SAMD12: variants seen among roughly 807,000 people sequenced by gnomAD.
SAMD12 encodes sterile alpha motif domain containing 12.
A neutral mutation model predicts 15.0 loss-of-function variants in SAMD12; 9 were observed. That is an observed-to-expected ratio of 0.60 (90% CI 0.36 to 1.05). SAMD12 has a LOEUF of 1.05. SAMD12 is among the 50% of genes least tolerant of loss of function. SAMD12 has a pLI of 0.01. For missense variants in SAMD12, 230 were observed against 234.2 expected, an observed-to-expected ratio of 0.98 and a Z score of 0.12; for synonymous variants, 86 against 90.1, an observed-to-expected ratio of 0.96 and a Z score of 0.25.
At chr8:118,538,391 CT>C (rs1248538399) in intron 2 of SAMD12, among the ~76,000 whole-genome samples, 1 of 152,178 alleles carries the variant, frequency 6.6e-6, no homozygotes, top group Admixed American at 6.5e-5. Context: ...CCCCAGAGCC[CT>C]TTAGCTTACA....
At chr8:118,366,812 C>CAAATAAA (rs1818792551) in intron 4 of SAMD12, among the ~76,000 whole-genome samples, 1 of 78,072 alleles carries the variant, frequency 1.3e-5, no homozygotes, top group Non-Finnish European at 2.4e-5. Context: ...AACTCTGTCT[C>CAAATAAA]AAATAAAATA....
chr8:118,164,806 T>A, the SAMD12 span, among the ~76,000 whole-genome samples: 1 of 151,896 alleles, frequency 6.6e-6, no homozygotes, highest in Admixed American at 6.6e-5. Context: ...CCGTTGTCTC[T>A]CTCTGTATAT....
At chr8:118,227,620 T>C (rs2129903200) in intron 4 of SAMD12, among the ~76,000 whole-genome samples, 1 of 152,318 alleles carries the variant, frequency 6.6e-6, no homozygotes, top group African/African-American at 2.4e-5. Flanking sequence ...GACAAGAATA[T>C]TGTTATGTGG....
Position 118,269,220 on chromosome 8 carries a change from CTGTGTGTGTGTG to C in SAMD12, c.434-71500_434-71489del, listed in dbSNP as rs71515963. ...TCTCTCTCTCTCTCTCTCTCTCTCT[CTGTGTGTGTGTG>C]TGTGTGTGTGTGTGTGTGTGTGTGT... is the stretch of plus-strand genomic sequence containing the variant. On this transcript the variant is annotated intron_variant, in intron 4 of 4. Transcript: ENST00000409003. 3.1e-3 allele frequency among the ~76,000 whole-genome samples: 378 copies of C among 123,010 alleles called. 2 individuals are homozygous for C. Among genetic ancestry groups the C allele is most frequent in the South Asian group, 8.6e-3 (28 of 3,256 alleles). The allele number at this position is 123,010 out of a possible 152,430, so 80.7% of individuals were successfully genotyped here.
chr8:118,387,082 C>T (rs1820003511), intron 3 of SAMD12, among the ~76,000 whole-genome samples: 1 of 152,184 alleles, frequency 6.6e-6, no homozygotes, highest in East Asian at 1.9e-4. Flanking sequence ...CCTGTTGCTC[C>T]ATCCCAGTCT....
At chr8:118,210,303 CA>C (rs1819983841) in intron 4 of SAMD12, among the ~76,000 whole-genome samples, 1 of 152,136 alleles carries the variant, frequency 6.6e-6, no homozygotes, top group South Asian at 2.1e-4. Context: ...AACTAGAGCA[CA>C]AAGAGGTTGG....
intron 2 of SAMD12, among the ~76,000 whole-genome samples, chr8:118,516,000 T>C (rs1406299421): frequency 6.6e-6 from 1 of 152,224 alleles, no homozygotes; most frequent in Non-Finnish European, 1.5e-5. Context: ...CCTGCTCTCC[T>C]AAAGGGTAAG....
chr8:118,304,846 C>T (rs770039646), intron 4 of SAMD12, among the ~76,000 whole-genome samples: 26 of 150,776 alleles, frequency 1.7e-4, no homozygotes, highest in Non-Finnish European at 3.5e-4. Context: ...CTATTTTAAC[C>T]TTTTAAAAAT....
At chr8:118,421,474 AG>A (rs1307970711) in intron 3 of SAMD12, among the ~76,000 whole-genome samples, 1 of 152,240 alleles carries the variant, frequency 6.6e-6, no homozygotes, top group East Asian at 1.9e-4. Context: ...TCACCAAGGT[AG>A]TTTTAGGGTT....
intron 2 of SAMD12, among the ~76,000 whole-genome samples, chr8:118,463,210 T>C (rs1299043440): frequency 2.6e-5 from 4 of 151,194 alleles, no homozygotes; most frequent in Admixed American, 6.6e-5. Flanking sequence ...AAACTAGAAC[T>C]TCCCAGGTGG....
At chr8:118,215,695 ATGAG>A (rs1811943726) in intron 4 of SAMD12, among the ~76,000 whole-genome samples, 1 of 149,184 alleles carries the variant, frequency 6.7e-6, no homozygotes, top group African/African-American at 2.5e-5. Context: ...ATTCCCACCT[ATGAG>A]TGAGAATATG....
At chr8:118,488,406 A>C (rs1324642444) in intron 2 of SAMD12, among the ~76,000 whole-genome samples, 1 of 152,190 alleles carries the variant, frequency 6.6e-6, no homozygotes, top group Non-Finnish European at 1.5e-5. Flanking sequence ...AAGGTGCACT[A>C]ATCTTTACAG....
At chr8:118,406,512 G>A (rs533779392) in intron 3 of SAMD12, among the ~76,000 whole-genome samples, 1 of 152,188 alleles carries the variant, frequency 6.6e-6, no homozygotes, top group African/African-American at 2.4e-5. Context: ...GACCTCAGGT[G>A]ATCCACCTGC....
the SAMD12 span, among the ~76,000 whole-genome samples, chr8:118,165,622 A>G: frequency 1.5e-4 from 20 of 135,852 alleles, no homozygotes; most frequent in African/African-American, 6.1e-4. Context: ...ATGTATATAT[A>G]TATATATATA....
At chr8:118,555,168 C>G (rs1195276744) in intron 2 of SAMD12, among the ~76,000 whole-genome samples, 1 of 152,186 alleles carries the variant, frequency 6.6e-6, no homozygotes, top group Admixed American at 6.5e-5. Flanking sequence ...GTAAGCCACA[C>G]ACAGCGTACC....
intron 4 of SAMD12, among the ~76,000 whole-genome samples, chr8:118,368,254 C>A (rs1166841509): frequency 6.6e-6 from 1 of 152,098 alleles, no homozygotes; most frequent in Non-Finnish European, 1.5e-5. Flanking sequence ...AGAAGGGACA[C>A]GTGATTCGCA....
At chr8:118,403,574 A>T (rs1042637412) in intron 3 of SAMD12, among the ~76,000 whole-genome samples, 2 of 152,210 alleles carry the variant, frequency 1.3e-5, no homozygotes, top group African/African-American at 4.8e-5. Context: ...AAATTCGATG[A>T]TCCATATACA....
At chr8:118,257,252 C>A (rs1195130919) in intron 4 of SAMD12, among the ~76,000 whole-genome samples, 1 of 152,068 alleles carries the variant, frequency 6.6e-6, no homozygotes, top group Non-Finnish European at 1.5e-5. Context: ...CCACAGCTGT[C>A]CATGATTTAA....
At chr8:118,445,166 G>A (rs1184496174) in intron 2 of SAMD12, among the ~76,000 whole-genome samples, 1 of 152,066 alleles carries the variant, frequency 6.6e-6, no homozygotes, top group Non-Finnish European at 1.5e-5. Flanking sequence ...GGAAAAGGAG[G>A]AAACACACAC....
Sources: gnomAD v4.1 joint callset for allele counts (sites outside exome capture counted in the v4.1 genomes callset) on GRCh38, gnomAD v4.1.1 for gene constraint, MANE v1.5 for transcripts, NCBI Gene and HGNC (gene_info 2026-07-23, HGNC 2026-07-21) for gene names.